The following CLK2 variants were observed in gnomAD, a reference collection of about 807,000 sequenced individuals.
The protein encoded by CLK2 is CDC like kinase 2.
CLK2 carries 12 observed loss-of-function variants against 73.5 expected under a neutral mutation model. The observed-to-expected ratio is 0.16, with a 90% CI of 0.10 to 0.26. CLK2 has a LOEUF of 0.26. Ranked by LOEUF, CLK2 falls within the 10% of genes least tolerant of loss-of-function variation. The pLI is 1.00. For synonymous variants in CLK2, 232 were observed against 237.9 expected (o/e 0.98, Z 0.23); for missense variants, 509 against 688.4 (o/e 0.74, Z 2.92).
Position 155,269,575 on chromosome 1 carries a change from C to G in CLK2, c.312G>C (p.Glu104Asp), listed in dbSNP as rs1052416240. Residue 104 changes from glutamate (E) to aspartate (D), a missense_variant, in exon 3 of 13, where the codon GAG becomes GAC. By Grantham distance (45) the Glu-to-Asp change is conservative. This residue lies in a region of CLK2 where 222 missense variants were observed against 221.7 expected (regional missense o/e 1.00). Transcript: ENST00000368361. ...TGCGCTGGCTGCGGTAACTGCTGTT[C>G]TCCCGCTGATATTCATAGGAATGCC... ...DYRHSYEYQR[E>D]NSSYRSQRSS... 4 of 1,614,226 alleles carry G rather than the reference C, an allele frequency of 2.5e-6. No individual in the cohort carries two copies. The South Asian group carries it at 4.4e-5, about 18-fold the overall frequency.
rs1418725731 is a variant in CLK2 at position 155,268,224 on chromosome 1, A to G, written c.554+69T>C. 5 of 1,562,706 alleles carry G rather than the reference A, an allele frequency of 3.2e-6. No individual in the cohort carries two copies. The highest frequency in any genetic ancestry group is 1.7e-4 in the Middle Eastern group (1 of 5,982). On this transcript the variant is annotated intron_variant, in intron 5 of 12. Transcript: ENST00000368361. The surrounding 1 kb of genome is among the most constrained non-coding windows in gnomAD (Gnocchi z 5.6). ...TAAGAAATTCTACCTCAGGTTAATT[A>G]GCAAAAAAGCCCCATATAACCCCAA...
chr1:155,271,541 C>G (rs950225387), intron 1 of CLK2, among the ~76,000 whole-genome samples: 7 of 152,242 alleles, frequency 4.6e-5, no homozygotes, highest in Middle Eastern at 6.8e-3. Flanking sequence ...GTGTTCTATC[C>G]TTATTTTCTT....
At chr1:155,266,703 A>G in intron 7 of CLK2, 26 bp downstream of exon 7, 1 of 1,603,636 alleles carries the variant, frequency 6.2e-7, no homozygotes, top group Non-Finnish European at 8.5e-7. Flanking sequence ...ACTGCCCCAG[A>G]GTCCACTTCG....
intron 1 of CLK2, among the ~76,000 whole-genome samples, chr1:155,272,279 G>T (rs1258538219): frequency 6.6e-6 from 1 of 152,194 alleles, no homozygotes. Flanking sequence ...GCCTCCCAAA[G>T]TGCTGGGATT....
chr1:155,270,762 A>T, intron 2 of CLK2, 46 bp downstream of exon 2: 2 of 1,568,150 alleles, frequency 1.3e-6, no homozygotes, highest in Non-Finnish European at 8.7e-7. Context: ...GAACAAAGGA[A>T]TGAGCGAGTG....
Position 155,268,385 on chromosome 1 carries a change from GGA to G in CLK2, c.488-28_488-27del. 1 of 1,595,074 alleles carries G rather than the reference GGA, an allele frequency of 6.3e-7. No individual in the cohort carries two copies. Among genetic ancestry groups the G allele is most frequent in the East Asian group, 2.2e-5 (1 of 44,722 alleles). ...CTGAAATGAAAGAGAGCAGGGTCGG[GGA>G]GAGGGAGGGAGAGAAGGTGGGGAAT... On this transcript the variant is annotated intron_variant, in intron 4 of 12. Transcript: ENST00000368361. This position sits in a 1 kb window ranked among gnomAD's most constrained non-coding sequence, Gnocchi z 5.6.
chr1:155,271,834 C>T (rs966015439), intron 1 of CLK2, among the ~76,000 whole-genome samples: 27 of 152,106 alleles, frequency 1.8e-4, no homozygotes, highest in African/African-American at 4.1e-4. Context: ...ACCAGGTAAA[C>T]GCCAAATACT....
Position 155,270,862 on chromosome 1 carries a change from C to T in CLK2, c.116G>A (p.Ser39Asn), listed in dbSNP as rs1444942424. 2.5e-6 allele frequency: 4 copies of T among 1,614,088 alleles called. No homozygotes were observed. In the Admixed American group the frequency reaches 6.7e-5, roughly 27 times the overall value. Residue 39 changes from serine to asparagine, a missense_variant, in exon 2 of 13, where the codon AGT (serine) becomes AAT (asparagine). This residue lies in a region of CLK2 where 222 missense variants were observed against 221.7 expected (regional missense o/e 1.00). Transcript: ENST00000368361. The stretch of plus-strand genomic sequence containing the variant: ...TCGCCGACGCCGTCGTGTCCGGTCA[C>T]TACTACTTGACCAGGAGCGACTTCT... Reference protein sequence around the residue: ...RRRSRSWSSSSDRTRRRRRED... With the variant: ...RRRSRSWSSSNDRTRRRRRED...
At position 155,263,237 on chromosome 1, in the gene CLK2, C is replaced by A; in HGVS notation, c.1481G>T (p.Ser494Ile). 1 of 1,613,748 alleles carries A rather than the reference C, an allele frequency of 6.2e-7. No homozygotes were observed. Among genetic ancestry groups the A allele is most frequent in the Non-Finnish European group, 8.5e-7 (1 of 1,179,948 alleles). ...AEPPNKLWDS[S>I]RDISR ...TGATCGTCACCGACTGATATCCCGA[C>A]TGGAGTCCCACAACTTGTTGGGCGG... Residue 494 changes from serine to isoleucine, a missense_variant, in exon 13 of 13, where the codon AGT (serine) becomes ATT (isoleucine). Ser to Ile is a moderately radical substitution (Grantham distance 142, BLOSUM62 -2). This residue lies in a region of CLK2 where 134 missense variants were observed against 146.0 expected (regional missense o/e 0.92). Transcript: ENST00000368361.
intron 1 of CLK2, among the ~76,000 whole-genome samples, chr1:155,271,999 T>C (rs1049199665): frequency 6.6e-6 from 1 of 150,498 alleles, no homozygotes; most frequent in African/African-American, 2.4e-5. Flanking sequence ...AAGACGTAGA[T>C]AACAACTGTT....
intron 6 of CLK2, 86 bp from the exon 7 acceptor site, chr1:155,266,981 G>C (rs1673261388): frequency 6.9e-7 from 1 of 1,446,794 alleles, no homozygotes; most frequent in Non-Finnish European, 9.4e-7. Context: ...CTTCATAGCT[G>C]TTGATTCCAC....
At chr1:155,263,788 C>T in intron 12 of CLK2, 162 bp downstream of exon 12, 1 of 914,826 alleles carries the variant, frequency 1.1e-6, no homozygotes, top group Non-Finnish European at 1.3e-6. Flanking sequence ...CACAAAACCA[C>T]TCCCTCTTAT....
chr1:155,264,586 C>A, intron 9 of CLK2, 36 bp from the exon 10 acceptor site: 1 of 1,614,204 alleles, frequency 6.2e-7, no homozygotes. Context: ...TGTTATGAGG[C>A]TTAGGTGGCC....
chr1:155,268,659 G>A lies in CLK2; in HGVS notation c.487+49C>T, dbSNP rs949722963. On this transcript the variant is annotated intron_variant, in intron 4 of 12. Coordinates refer to ENST00000368361, the MANE Select transcript of CLK2 (RefSeq NM_001294338.2). The surrounding 1 kb of genome is among the most constrained non-coding windows in gnomAD (Gnocchi z 5.6). Reference sequence around the variant, plus strand: ...TCAGGTTGGCTTGGGACGTTAGGATGGCTATGGGACCATTACAGGCTATAG... The same window carrying A: ...TCAGGTTGGCTTGGGACGTTAGGATAGCTATGGGACCATTACAGGCTATAG... The A allele has an allele frequency of 1.3e-6, 2 of 1,531,350 alleles. No homozygotes were observed. Among genetic ancestry groups the A allele is most frequent in the Non-Finnish European group, 1.8e-6 (2 of 1,104,552 alleles). 94.9% of individuals were successfully genotyped at this position (1,531,350 alleles called of 1,614,324 possible).
chr1:155,265,632 TCA>T (rs1313420935), intron 8 of CLK2, among the ~76,000 whole-genome samples: 1 of 138,346 alleles, frequency 7.2e-6, no homozygotes, highest in Non-Finnish European at 1.6e-5. Context: ...TTAAAAACTT[TCA>T]CTCTACTGGA....
At position 155,269,680 on chromosome 1, in the gene CLK2, A is replaced by AG. The variant is rs1296662154; in HGVS notation, c.206_207insC (p.Asp70Ter). On this transcript the variant is annotated frameshift_variant, in exon 3 of 13. Coordinates refer to ENST00000368361, the MANE Select transcript of CLK2 (RefSeq NM_001294338.2). LOFTEE classifies it high-confidence loss of function. Reference sequence around the variant, plus strand: ...TGTAGCTGCCACAGTATCGCCGGTCATACACCCTCCGGTCGGACGAACGAT... The same window carrying AG: ...TGTAGCTGCCACAGTATCGCCGGTCAGTACACCCTCCGGTCGGACGAACGAT... 1 of 1,614,134 alleles carries AG rather than the reference A, an allele frequency of 6.2e-7. No homozygotes were observed. Among genetic ancestry groups the AG allele is most frequent in the Non-Finnish European group, 8.5e-7 (1 of 1,180,066 alleles).
At position 155,268,015 on chromosome 1, in the gene CLK2, G is replaced by A. The variant is rs763738502; in HGVS notation, c.666C>T (p.Asn222=). 10 of 1,611,354 alleles carry A rather than the reference G, an allele frequency of 6.2e-6. No homozygotes were observed. The highest frequency in any genetic ancestry group is 8.5e-6 in the Non-Finnish European group (10 of 1,177,560). ...LEKINEKDPD[N]KNLCVQMFDW... ...ATACTTCCTTGCTTGCTTACTTCTT[G>A]TTGTCAGGGTCTTTCTCATTGATTT... Residue 222 remains asparagine (N), a synonymous_variant, in exon 6 of 13, where the codon AAC becomes AAT. Coordinates refer to ENST00000368361, the MANE Select transcript of CLK2 (RefSeq NM_001294338.2). This position sits in a 1 kb window ranked among gnomAD's most constrained non-coding sequence, Gnocchi z 5.6.
At chr1:155,269,737 A>G (rs777383389) in intron 2 of CLK2, 21 bp from the exon 3 acceptor site, 1 of 1,598,132 alleles carries the variant, frequency 6.3e-7, no homozygotes, top group Non-Finnish European at 8.6e-7. Flanking sequence ...ACAAATACCA[A>G]TGAGGTGTAT....
chr1:155,269,201 C>T, intron 3 of CLK2: 1 of 589,118 alleles, frequency 1.7e-6, no homozygotes, highest in Non-Finnish European at 3.0e-6. Context: ...GCAAGGTCCC[C>T]ATTAAAGAGT....
Sources: allele counts gnomAD v4.1 joint callset (sites outside exome capture counted in the v4.1 genomes callset), GRCh38; gene constraint gnomAD v4.1.1; regional missense constraint gnomAD v4.1.1; non-coding constraint Gnocchi (gnomAD v3.1); transcripts MANE v1.5; gene names NCBI Gene and HGNC (gene_info 2026-07-23, HGNC 2026-07-21).